The following KDM6B variants were observed in gnomAD, a reference collection of about 807,000 sequenced individuals.
KDM6B encodes the protein lysine-specific demethylase 6B.
KDM6B carries 22 observed loss-of-function variants against 150.4 expected under a neutral mutation model. The ratio of observed to expected loss-of-function variants is 0.15; its 90% CI spans 0.10 to 0.21. The LOEUF (loss-of-function observed/expected upper bound fraction) is 0.21, where lower values mean the gene tolerates loss of function less well. Among genes scored for constraint, KDM6B ranks in the 10% least tolerant of loss-of-function variants. KDM6B has a pLI of 1.00. For synonymous variants in KDM6B, 1,148 were observed against 921.1 expected, an observed-to-expected ratio of 1.25 and a Z score of -4.46; for missense variants, 1,984 against 2,234.3, an observed-to-expected ratio of 0.89 and a Z score of 2.26.
At chr17:7,845,728 C>G (rs200025576) in intron 5 of KDM6B, 37 bp downstream of exon 5, 1 of 1,613,782 alleles carries the variant, frequency 6.2e-7, no homozygotes, top group South Asian at 1.1e-5. Flanking sequence ...AGGCACACCT[C>G]TTTCCATCTC....
intron 2 of KDM6B, among the ~76,000 whole-genome samples, chr17:7,842,330 G>C (rs945623437): frequency 6.6e-6 from 1 of 152,218 alleles, no homozygotes; most frequent in East Asian, 1.9e-4. Flanking sequence ...GCCTCGGCGG[G>C]AGCGGAATTA....
At chr17:7,847,054 A>G in intron 10 of KDM6B, 38 bp downstream of exon 10, 3 of 1,610,882 alleles carry the variant, frequency 1.9e-6, no homozygotes, top group Non-Finnish European at 2.5e-6. Flanking sequence ...TCTCACCTAC[A>G]AGTCCCACGC....
chr17:7,840,888 C>T (rs558992936), intron 2 of KDM6B, among the ~76,000 whole-genome samples: 2 of 152,232 alleles, frequency 1.3e-5, no homozygotes, highest in South Asian at 2.1e-4. Flanking sequence ...CTCTAGAGGA[C>T]GTGAGACATT....
chr17:7,836,288 C>T (rs1197895488), intron 1 of KDM6B, among the ~76,000 whole-genome samples: 1 of 152,264 alleles, frequency 6.6e-6, no homozygotes, highest in Non-Finnish European at 1.5e-5. Context: ...CCCCGGCGTT[C>T]TTTGCACCTC....
chr17:7,837,999 GATT>G (rs1343636463), intron 1 of KDM6B, among the ~76,000 whole-genome samples: 3 of 151,620 alleles, frequency 2.0e-5, no homozygotes, highest in African/African-American at 7.3e-5. Context: ...CTTTCTTTAG[GATT>G]ATTTTTTTTT....
intron 1 of KDM6B, among the ~76,000 whole-genome samples, chr17:7,835,113 C>G (rs1174447814): frequency 1.3e-5 from 2 of 152,010 alleles, no homozygotes; most frequent in Non-Finnish European, 2.9e-5. Context: ...AGGCTGAGGC[C>G]CCCACTTGAC....
chr17:7,846,221 C>G lies in KDM6B; in HGVS notation c.380C>G (p.Thr127Arg), dbSNP rs1190451952. ...TCAGAGCACGATAGTGAGGAGGCCA[C>G]ACGCTGCTACCACAGCGCCCTTCGA... is the stretch of plus-strand genomic sequence containing the variant. ...YESEHDSEEATRCYHSALRYG... is the reference protein window; with the variant it reads ...YESEHDSEEARRCYHSALRYG... Residue 127 changes from threonine to arginine, a missense_variant, in exon 7 of 24, where the codon ACA (threonine) becomes AGA (arginine). Thr to Arg is a moderately conservative substitution (Grantham distance 71). Around this residue, in one of 13 missense-constraint regions of KDM6B, gnomAD observed 337 missense variants for 323.9 expected, o/e 1.04. Coordinates refer to ENST00000448097, the MANE Select transcript of KDM6B (RefSeq NM_001348716.2). The G allele has an allele frequency of 1.9e-5, 31 of 1,614,018 alleles. No homozygotes were observed. Among genetic ancestry groups the G allele is most frequent in the Non-Finnish European group, 2.5e-5 (30 of 1,180,018 alleles).
In KDM6B at chr17:7,846,253, G is replaced by A; in HGVS notation, c.412G>A (p.Gly138Arg). 1 of 1,613,992 alleles carries A rather than the reference G, an allele frequency of 6.2e-7. No homozygotes were observed. Among genetic ancestry groups the A allele is most frequent in the Non-Finnish European group, 8.5e-7 (1 of 1,179,960 alleles). Residue 138 changes from glycine (G) to arginine (R), a missense_variant, in exon 7 of 24, where the codon GGA becomes AGA. Physicochemically the swap from Gly to Arg is moderately radical, Grantham distance 125. Transcript: ENST00000448097. ...CTACCACAGCGCCCTTCGATACGGAGGAAGCTTCGCTGAGCTGGGGCCCCG... is the reference window on the plus strand; with the variant it reads ...CTACCACAGCGCCCTTCGATACGGAAGAAGCTTCGCTGAGCTGGGGCCCCG... ...RCYHSALRYGGSFAELGPRIG... is the reference protein window; with the variant it reads ...RCYHSALRYGRSFAELGPRIG...
chr17:7,841,869 G>A (rs901447897), intron 2 of KDM6B, among the ~76,000 whole-genome samples: 1 of 152,162 alleles, frequency 6.6e-6, no homozygotes, highest in African/African-American at 2.4e-5. Context: ...TCACAGCGGA[G>A]CCTCAGCCGG....
rs2078506558 is a variant in KDM6B at position 7,845,169 on chromosome 17, T to A, written c.-148-145T>A. On this transcript the variant is annotated intron_variant, in intron 3 of 23. Coordinates refer to ENST00000448097, the MANE Select transcript of KDM6B (RefSeq NM_001348716.2). ...CACTCCTGGGCCTCTAGGGAGTGGT[T>A]GGGCCGGGCCTCCCTTTGGGGAAAG... 1.1e-5 allele frequency: 4 copies of A among 360,098 alleles called. No individual in the cohort carries two copies. The Admixed American group carries it at 1.2e-4, about 10-fold the overall frequency. 22.3% of individuals were successfully genotyped at this position (360,098 alleles called of 1,614,324 possible).
Position 7,853,706 on chromosome 17 carries a change from GAGGAAAAA to G in KDM6B, c.*195_*202del, listed in dbSNP as rs940739533. 1 of 380,558 alleles carries G rather than the reference GAGGAAAAA, an allele frequency of 2.6e-6. No individual in the cohort carries two copies. The highest frequency in any genetic ancestry group is 4.4e-6 in the Non-Finnish European group (1 of 225,584). 23.6% of individuals were successfully genotyped at this position (380,558 alleles called of 1,614,324 possible). On this transcript the variant is annotated 3_prime_UTR_variant, in exon 24 of 24. Coordinates refer to ENST00000448097, the MANE Select transcript of KDM6B (RefSeq NM_001348716.2). ...CTTTTTTTTTTTTTTTAGCAAATAT[GAGGAAAAA>G]AGGAAAAAAAATGGGAGACGGGGGA...
chr17:7,848,250 G>C lies in KDM6B; in HGVS notation c.1962G>C (p.Gln654His). 6.2e-7 allele frequency: 1 copy of C among 1,611,144 alleles called. No homozygotes were observed. The highest frequency in any genetic ancestry group is 8.5e-7 in the Non-Finnish European group (1 of 1,179,450). Residue 654 changes from glutamine (Q) to histidine (H), a missense_variant, in exon 12 of 24, where the codon CAG becomes CAC. Physicochemically the swap from Gln to His is conservative, Grantham distance 24. Around this residue, in one of 13 missense-constraint regions of KDM6B, gnomAD observed 1,379 missense variants for 1,275.6 expected, o/e 1.08. Coordinates refer to ENST00000448097, the MANE Select transcript of KDM6B (RefSeq NM_001348716.2). ...CAGGCCCCCTGAGTAAAGCCCCCCA[G>C]CCTGTGCCGCCCGGGGTTGGGGAGC... ...PPPGPLSKAPQPVPPGVGELP... is the reference protein window; with the variant it reads ...PPPGPLSKAPHPVPPGVGELP...
chr17:7,852,992 C>T lies in KDM6B; in HGVS notation c.4611-8C>T, dbSNP rs759985916. 2 of 1,613,816 alleles carry T rather than the reference C, an allele frequency of 1.2e-6. No individual in the cohort carries two copies. Among genetic ancestry groups the T allele is most frequent in the South Asian group, 2.2e-5 (2 of 90,976 alleles). Reference sequence around the variant, plus strand: ...CGGTGGTCTCAACACAACCCCACTGCTCCCCAGGTTCTGCCTGCTGCAGTC... The same window carrying T: ...CGGTGGTCTCAACACAACCCCACTGTTCCCCAGGTTCTGCCTGCTGCAGTC... On this transcript the variant is annotated splice_region_variant and splice_polypyrimidine_tract_variant and intron_variant, in intron 21 of 23. Transcript: ENST00000448097.
At chr17:7,839,834 A>T (rs2078387849) in intron 1 of KDM6B, 72 bp from the exon 2 acceptor site, 1 of 152,156 alleles carries the variant, frequency 6.6e-6, no homozygotes, top group Non-Finnish European at 1.5e-5. Flanking sequence ...CTCCTTAATG[A>T]GGGGGGCAGG....
At position 7,851,538 on chromosome 17, in the gene KDM6B, T is replaced by C. The variant is rs755340956; in HGVS notation, c.4005T>C (p.Ser1335=). Residue 1335 remains serine (S), a synonymous_variant, in exon 17 of 24, where the codon TCT becomes TCC. Coordinates refer to ENST00000448097, the MANE Select transcript of KDM6B (RefSeq NM_001348716.2). Reference sequence around the variant, plus strand: ...AGTTTGGCACCAACATCGACTTGTCTGATGCTAAGCGGTCAGTGGGGCTGA... The same window carrying C: ...AGTTTGGCACCAACATCGACTTGTCCGATGCTAAGCGGTCAGTGGGGCTGA... The part of the protein sequence containing the change: ...IIKFGTNIDL[S]DAKRWKPQLQ... 1.2e-6 allele frequency: 2 copies of C among 1,613,924 alleles called. No homozygotes were observed. The highest frequency in any genetic ancestry group is 2.2e-5 in the South Asian group (2 of 91,052).
intron 1 of KDM6B, among the ~76,000 whole-genome samples, chr17:7,834,946 C>T (rs1406593497): frequency 6.6e-6 from 1 of 152,078 alleles, no homozygotes; most frequent in Non-Finnish European, 1.5e-5. Flanking sequence ...TTCTCCCACT[C>T]CGCCGTTCCC....
At chr17:7,852,402 GCTT>G in intron 20 of KDM6B, 66 bp downstream of exon 20, 1 of 1,289,876 alleles carries the variant, frequency 7.8e-7, no homozygotes, top group Non-Finnish European at 1.1e-6. Context: ...GGAGGCTGGG[GCTT>G]GGAGAGCCGC....
In KDM6B at chr17:7,848,343, A is replaced by G. The variant is rs2078609325; in HGVS notation, c.2055A>G (p.Pro685=). 6.2e-7 allele frequency: 1 copy of G among 1,612,586 alleles called. No individual in the cohort carries two copies. Among genetic ancestry groups the G allele is most frequent in the Non-Finnish European group, 8.5e-7 (1 of 1,179,986 alleles). Residue 685 remains proline, a synonymous_variant, in exon 12 of 24, where the codon CCA becomes CCG. Transcript: ENST00000448097. The stretch of plus-strand genomic sequence containing the variant: ...CGCTGGAGGACCAGTTTGAGGAGCC[A>G]GCCGAATTCAAGATCCTACCTGATG... The part of the protein sequence containing the change: ...PTPLEDQFEE[P]AEFKILPDGL...
Position 7,847,316 on chromosome 17 carries a change from T to C in KDM6B, c.1121T>C (p.Val374Ala). The part of the protein sequence containing the change: ...RVQRSRMDSS[V>A]SPAATTACVP... ...CAGAGGTCGCGGATGGACTCCAGCG[T>C]TTCACCAGCAGCAACCACCGCCTGC... The change falls in exon 11 of 24, where the codon GTT becomes GCT. Residue 374 changes from valine to alanine, a missense_variant. Around this residue, in one of 13 missense-constraint regions of KDM6B, gnomAD observed 1,379 missense variants for 1,275.6 expected, o/e 1.08. Transcript: ENST00000448097. 2 of 1,606,908 alleles carry C rather than the reference T, an allele frequency of 1.2e-6. No homozygotes were observed. Among genetic ancestry groups the C allele is most frequent in the Non-Finnish European group, 1.7e-6 (2 of 1,179,638 alleles).
Sources: gnomAD v4.1 joint callset for allele counts (sites outside exome capture counted in the v4.1 genomes callset) on GRCh38, gnomAD v4.1.1 for gene constraint, gnomAD v4.1.1 regional missense constraint, MANE v1.5 for transcripts, NCBI Gene and HGNC (gene_info 2026-07-23, HGNC 2026-07-21) for gene names.